The following RERG variants were observed in gnomAD, a reference collection of about 807,000 sequenced individuals.
RERG encodes the protein ras-related and estrogen-regulated growth inhibitor.
A neutral mutation model predicts 23.2 loss-of-function variants in RERG; 25 were observed. That is an observed-to-expected ratio of 1.08 (90% CI 0.79 to 1.50). RERG has a LOEUF of 1.50. Among genes scored for constraint, RERG ranks in the 40% most tolerant of loss-of-function variants. The probability of loss-of-function intolerance (pLI) is 0.00; values close to 1 mark genes in which losing one functional copy is unlikely to be tolerated. For synonymous variants in RERG, 81 were observed against 89.1 expected, an observed-to-expected ratio of 0.91 and a Z score of 0.51; for missense variants, 253 against 250.1, an observed-to-expected ratio of 1.01 and a Z score of -0.08.
At position 15,160,162 on chromosome 12, in the gene RERG, A is replaced by G. The variant is rs1347578141; in HGVS notation, c.62-39043T>C. Reference sequence around the variant, plus strand: ...TACACTTCTATATATGTGCATATATATATGTGCACATTTTGGTCATTTTTT... The same window carrying G: ...TACACTTCTATATATGTGCATATATGTATGTGCACATTTTGGTCATTTTTT... On this transcript the variant is annotated intron_variant, in intron 2 of 4. Coordinates refer to ENST00000256953, the MANE Select transcript of RERG (RefSeq NM_032918.3). Among the ~76,000 whole-genome samples, 6 of 152,244 alleles carry G rather than the reference A, an allele frequency of 3.9e-5. No individual in the cohort carries two copies. In the East Asian group the frequency reaches 1.2e-3, roughly 29 times the overall value.
intron 2 of RERG, among the ~76,000 whole-genome samples, chr12:15,153,099 C>T (rs1864469728): frequency 2.0e-5 from 3 of 152,216 alleles, no homozygotes; most frequent in East Asian, 1.9e-4. Context: ...GAAAAAAATT[C>T]GCACCACAAT....
intron 2 of RERG, among the ~76,000 whole-genome samples, chr12:15,176,992 T>A (rs1233218249): frequency 6.6e-6 from 1 of 152,238 alleles, no homozygotes; most frequent in Admixed American, 6.5e-5. Flanking sequence ...CTTTCTGGCA[T>A]CTTATTAAAA....
intron 2 of RERG, among the ~76,000 whole-genome samples, chr12:15,160,015 T>C (rs1321508851): frequency 6.6e-6 from 1 of 152,028 alleles, no homozygotes; most frequent in Non-Finnish European, 1.5e-5. Context: ...TTTTGGAAAA[T>C]AGAGGGAAAA....
chr12:15,209,665 T>C (rs1865340960), intron 2 of RERG, among the ~76,000 whole-genome samples: 1 of 152,212 alleles, frequency 6.6e-6, no homozygotes, highest in African/African-American at 2.4e-5. Context: ...TGGTTATTTA[T>C]TGGTTACTGT....
intron 2 of RERG, among the ~76,000 whole-genome samples, chr12:15,209,766 T>C (rs1456120318): frequency 6.6e-6 from 1 of 152,176 alleles, no homozygotes; most frequent in Non-Finnish European, 1.5e-5. Flanking sequence ...ATAAAATATC[T>C]GAGAAGATGT....
intron 2 of RERG, among the ~76,000 whole-genome samples, chr12:15,126,158 T>TATATATAC (rs1222298898): frequency 2.1e-5 from 3 of 143,202 alleles, no homozygotes; most frequent in African/African-American, 7.6e-5. Context: ...TATATGTATT[T>TATATATAC]ACACACATAC....
At position 15,109,301 on chromosome 12, in the gene RERG, C is replaced by A. The variant is rs768629192; in HGVS notation, c.409G>T (p.Ala137Ser). ...QVSTEEGEKL[A>S]TELACAFYEC... ...TAAAAAGCACAAGCCAATTCTGTGG[C>A]CAGCTTCTCTCCTTCTTCTGTGCTA... Residue 137 changes from alanine to serine, a missense_variant, in exon 5 of 5, where the codon GCC (alanine) becomes TCC (serine). Ala to Ser is a moderately conservative substitution (Grantham distance 99). Coordinates refer to ENST00000256953, the MANE Select transcript of RERG (RefSeq NM_032918.3). The A allele has an allele frequency of 6.2e-7, 1 of 1,613,974 alleles. No homozygotes were observed. The highest frequency in any genetic ancestry group is 2.2e-5 in the East Asian group (1 of 44,886).
At chr12:15,216,811 G>A (rs140200464) in intron 2 of RERG, among the ~76,000 whole-genome samples, 12 of 152,140 alleles carry the variant, frequency 7.9e-5, no homozygotes, top group African/African-American at 2.9e-4. Flanking sequence ...GTCTGCTAGC[G>A]ATTTCTCAGA....
chr12:15,126,745 C>T (rs1439116460), intron 2 of RERG, among the ~76,000 whole-genome samples: 1 of 71,626 alleles, frequency 1.4e-5, no homozygotes, highest in African/African-American at 4.7e-5. Flanking sequence ...TTTTTTGAGA[C>T]AGAGTCTCGC....
At chr12:15,187,781 A>G (rs1351480831) in intron 2 of RERG, among the ~76,000 whole-genome samples, 1 of 150,436 alleles carries the variant, frequency 6.6e-6, no homozygotes, top group Non-Finnish European at 1.5e-5. Context: ...CTGGTCTTGA[A>G]CTCCTGACCT....
chr12:15,129,419 C>T (rs894850405), intron 2 of RERG, among the ~76,000 whole-genome samples: 2 of 152,064 alleles, frequency 1.3e-5, no homozygotes, highest in Admixed American at 6.6e-5. Flanking sequence ...TTTTCAAATG[C>T]TTATCCATTT....
At chr12:15,166,347 A>C (rs1389212915) in intron 2 of RERG, among the ~76,000 whole-genome samples, 1 of 152,216 alleles carries the variant, frequency 6.6e-6, no homozygotes, top group Non-Finnish European at 1.5e-5. Flanking sequence ...AATTGAATCA[A>C]ATTCCTTAAT....
chr12:15,183,248 T>G (rs566896992), intron 2 of RERG, among the ~76,000 whole-genome samples: 2 of 152,228 alleles, frequency 1.3e-5, no homozygotes, highest in Non-Finnish European at 2.9e-5. Context: ...TTAGAATATA[T>G]CTTCCCATGC....
At chr12:15,151,511 C>G (rs1038870697) in intron 2 of RERG, among the ~76,000 whole-genome samples, 4 of 152,186 alleles carry the variant, frequency 2.6e-5, no homozygotes, top group African/African-American at 9.7e-5. Flanking sequence ...AAACCACAAT[C>G]CAGTGGCATT....
At chr12:15,135,555 CT>C (rs2136098510) in intron 2 of RERG, among the ~76,000 whole-genome samples, 1 of 152,230 alleles carries the variant, frequency 6.6e-6, no homozygotes, top group East Asian at 1.9e-4. Context: ...TAAAATGTTC[CT>C]TATCAAGTTG....
intron 2 of RERG, among the ~76,000 whole-genome samples, chr12:15,164,510 G>A (rs974690143): frequency 2.0e-5 from 3 of 152,192 alleles, no homozygotes; most frequent in Non-Finnish European, 4.4e-5. Context: ...TGGGGCTTCA[G>A]TGCAGCCACC....
chr12:15,219,976 T>A (rs1053507042), intron 1 of RERG, among the ~76,000 whole-genome samples: 1 of 152,246 alleles, frequency 6.6e-6, no homozygotes, highest in Non-Finnish European at 1.5e-5. Flanking sequence ...ATTGTCAACC[T>A]AATTTTATGT....
chr12:15,143,531 T>C (rs914539807), intron 2 of RERG, among the ~76,000 whole-genome samples: 1 of 152,156 alleles, frequency 6.6e-6, no homozygotes, highest in Non-Finnish European at 1.5e-5. Flanking sequence ...ATACCTACTA[T>C]GTGCATGGCA....
intron 3 of RERG, among the ~76,000 whole-genome samples, chr12:15,117,679 A>G (rs78025587): frequency 0.19 from 7,625 of 39,630 alleles, 636 homozygotes; most frequent in African/African-American, 0.39. Flanking sequence ...ACACGCGCAC[A>G]CACACACACA....
Sources: allele counts gnomAD v4.1 joint callset (sites outside exome capture counted in the v4.1 genomes callset), GRCh38; gene constraint gnomAD v4.1.1; transcripts MANE v1.5; gene names NCBI Gene and HGNC (gene_info 2026-07-23, HGNC 2026-07-21).